The following PCDHGB4 variants were observed in gnomAD, a reference collection of about 807,000 sequenced individuals.
The protein encoded by PCDHGB4 is protocadherin gamma subfamily B, 4.
PCDHGB4 carries 38 observed loss-of-function variants against 60.5 expected under a neutral mutation model. The observed-to-expected ratio is 0.63, with a 90% confidence interval of 0.48 to 0.82. The LOEUF is 0.82. PCDHGB4 is among the 40% of genes least tolerant of loss of function. PCDHGB4 has a pLI of 0.00. For synonymous variants in PCDHGB4, 456 were observed against 509.7 expected (o/e 0.89, Z 1.42); for missense variants, 1,109 against 1,209.6 (o/e 0.92, Z 1.23).
At position 141,431,783 on chromosome 5, in the gene PCDHGB4, G is replaced by T; in HGVS notation, c.2397+41502G>T. 2 of 1,614,174 alleles carry T rather than the reference G, an allele frequency of 1.2e-6. No homozygotes were observed. Among genetic ancestry groups the T allele is most frequent in the East Asian group, 2.2e-5 (1 of 44,878 alleles). On this transcript the variant is annotated intron_variant, in intron 1 of 3. Transcript: ENST00000519479. The surrounding 1 kb of genome is among the most constrained non-coding windows in gnomAD (Gnocchi z 4.8). Reference sequence around the variant, plus strand: ...CCTGATCACTGTTCTGGACGTGAACGACAATGCCCCAGAAGTGGTCCTCAC... The same window carrying T: ...CCTGATCACTGTTCTGGACGTGAACTACAATGCCCCAGAAGTGGTCCTCAC...
rs1265953328 is a variant in PCDHGB4, at chr5:141,389,068, C to T, written c.1184C>T (p.Ser395Phe). Residue 395 changes from serine (S) to phenylalanine (F), a missense_variant, in exon 1 of 4, where the codon TCT becomes TTT. Physicochemically the swap from Ser to Phe is radical, Grantham distance 155. Transcript: ENST00000519479. ...EGDVPFKILTSSRNTYKLVTD... is the reference protein window; with the variant it reads ...EGDVPFKILTFSRNTYKLVTD... ...GATGTTCCATTTAAAATATTAACTT[C>T]TTCAAGAAACACGTATAAATTAGTG... 1.2e-6 allele frequency: 2 copies of T among 1,613,904 alleles called. No homozygotes were observed. Among genetic ancestry groups the T allele is most frequent in the East Asian group, 2.2e-5 (1 of 44,892 alleles).
chr5:141,492,026 G>A, intron 1 of PCDHGB4: 1 of 567,198 alleles, frequency 1.8e-6, no homozygotes, highest in South Asian at 2.9e-5. Flanking sequence ...GGGGTCCCGG[G>A]AGGAGGCAGT....
At chr5:141,438,396 ACT>A (rs2097958956) in intron 1 of PCDHGB4, among the ~76,000 whole-genome samples, 2 of 150,930 alleles carry the variant, frequency 1.3e-5, no homozygotes, top group African/African-American at 4.9e-5. Context: ...TTCATCATTA[ACT>A]CTCTGAAGTA....
At chr5:141,414,557 A>G (rs749209012) in intron 1 of PCDHGB4, 21 of 1,613,786 alleles carry the variant, frequency 1.3e-5, no homozygotes, top group Non-Finnish European at 1.8e-5. Context: ...CAAGTCTCCT[A>G]CTTTACCTAT....
intron 1 of PCDHGB4, among the ~76,000 whole-genome samples, chr5:141,463,177 A>G (rs914982793): frequency 2.6e-5 from 4 of 152,250 alleles, no homozygotes; most frequent in Admixed American, 2.6e-4. Context: ...ATGTATGCTC[A>G]GATTATTATT....
At chr5:141,418,124 C>A (rs762154093) in intron 1 of PCDHGB4, 33 of 1,613,836 alleles carry the variant, frequency 2.0e-5, no homozygotes, top group East Asian at 1.3e-4. Flanking sequence ...TGTGAAGGAC[C>A]GAATAGACCG....
intron 1 of PCDHGB4, chr5:141,430,452 A>G (rs566189732): frequency 2.0e-3 from 408 of 202,442 alleles, no homozygotes; most frequent in South Asian, 3.8e-3. Context: ...CCTTTTGAAG[A>G]ACAGTAGGTG....
At chr5:141,418,848 G>C (rs770294020) in intron 1 of PCDHGB4, 1 of 1,613,836 alleles carries the variant, frequency 6.2e-7, no homozygotes, top group Non-Finnish European at 8.5e-7. Flanking sequence ...CTCTCAACAC[G>C]GTGTAAAGTA....
chr5:141,430,155 A>G (rs1440666899), intron 1 of PCDHGB4, among the ~76,000 whole-genome samples: 7 of 152,184 alleles, frequency 4.6e-5, no homozygotes, highest in Admixed American at 1.3e-4. Flanking sequence ...CATTCAAGGA[A>G]TCTATTTAAA....
intron 2 of PCDHGB4, among the ~76,000 whole-genome samples, chr5:141,499,115 C>G (rs940275925): frequency 6.6e-6 from 1 of 152,124 alleles, no homozygotes; most frequent in Non-Finnish European, 1.5e-5. Flanking sequence ...CACCACTATC[C>G]CTTCTCAGGT....
chr5:141,487,162 G>T lies in PCDHGB4; in HGVS notation c.2398-7645G>T, dbSNP rs2099640627. 6.2e-7 allele frequency: 1 copy of T among 1,613,496 alleles called. No individual in the cohort carries two copies. Among genetic ancestry groups the T allele is most frequent in the African/African-American group, 1.3e-5 (1 of 75,026 alleles). On this transcript the variant is annotated intron_variant, in intron 1 of 3. Transcript: ENST00000519479. This position sits in a 1 kb window ranked among gnomAD's most constrained non-coding sequence, Gnocchi z 5.0. ...TCTCTACCTCTGTTACTCTCTTAGTGTCCTTAGAGGAAGACACTCATCCAG... is the reference window on the plus strand; with the variant it reads ...TCTCTACCTCTGTTACTCTCTTAGTTTCCTTAGAGGAAGACACTCATCCAG...
intron 1 of PCDHGB4, chr5:141,410,849 CTTTTTTTT>C (rs759346998): frequency 2.0e-4 from 27 of 138,178 alleles, no homozygotes; most frequent in Middle Eastern, 4.3e-3. Context: ...TTGTCTTTGT[CTTTTTTTT>C]TTTTTTTTTT....
At chr5:141,433,181 G>T (rs199507607) in intron 1 of PCDHGB4, 45 of 1,607,620 alleles carry the variant, frequency 2.8e-5, no homozygotes, top group Non-Finnish European at 3.4e-5. Context: ...TGGGTTAATT[G>T]AGGTGAGTTT....
chr5:141,446,759 G>A (rs983129633), intron 1 of PCDHGB4, among the ~76,000 whole-genome samples: 5 of 152,026 alleles, frequency 3.3e-5, no homozygotes, highest in Admixed American at 1.3e-4. Flanking sequence ...GAGCCACCGC[G>A]CCCAGCCGGT....
chr5:141,398,374 G>C (rs769693333), intron 1 of PCDHGB4: 3 of 1,438,680 alleles, frequency 2.1e-6, no homozygotes, highest in African/African-American at 1.4e-5. Flanking sequence ...AGAGAGCGGG[G>C]AGTTGCTTGT....
chr5:141,393,382 T>C (rs778957877), intron 1 of PCDHGB4: 7 of 1,613,948 alleles, frequency 4.3e-6, no homozygotes, highest in Non-Finnish European at 5.9e-6. Flanking sequence ...AATGGAGCCA[T>C]AAACCCAGAG....
chr5:141,492,146 C>T (rs979485619), intron 1 of PCDHGB4, among the ~76,000 whole-genome samples: 3 of 152,242 alleles, frequency 2.0e-5, no homozygotes, highest in African/African-American at 4.8e-5. Flanking sequence ...TGTGACTTCA[C>T]TGTTACCCTC....
chr5:141,394,365 C>T (rs1451388519), intron 1 of PCDHGB4: 1 of 1,614,212 alleles, frequency 6.2e-7, no homozygotes, highest in South Asian at 1.1e-5. Context: ...GTATGCGCTG[C>T]AATCTTTCGA....
chr5:141,389,975 CTCAGT>C lies in PCDHGB4; in HGVS notation c.2092_2096del (p.Ser698AlafsTer33). On this transcript the variant is annotated frameshift_variant, in exon 1 of 4. Coordinates refer to ENST00000519479, the MANE Select transcript of PCDHGB4 (RefSeq NM_003736.4). LOFTEE classifies it high-confidence loss of function. ...ACCTAGTGGTGGCCTTGGCCTTGATCTCAGTGCTCTTCCTCGTGGCCATGATTCTG... is the reference window on the plus strand; with the variant it reads ...ACCTAGTGGTGGCCTTGGCCTTGATCGCTCTTCCTCGTGGCCATGATTCTG... 6.2e-7 allele frequency: 1 copy of C among 1,614,060 alleles called. No individual in the cohort carries two copies. The highest frequency in any genetic ancestry group is 1.1e-5 in the South Asian group (1 of 91,088).
Sources: allele counts gnomAD v4.1 joint callset (sites outside exome capture counted in the v4.1 genomes callset), GRCh38; gene constraint gnomAD v4.1.1; non-coding constraint Gnocchi (gnomAD v3.1); transcripts MANE v1.5; gene names NCBI Gene and HGNC (gene_info 2026-07-23, HGNC 2026-07-21).